Variants in CDH20 observed in about 807,000 individuals in gnomAD.
CDH20 encodes cadherin 20, also known as cadherin-20.
A neutral mutation model predicts 74.2 loss-of-function variants in CDH20; 29 were observed. The ratio of observed to expected loss-of-function variants is 0.39; its 90% CI spans 0.29 to 0.53. CDH20 has a LOEUF of 0.53. Ranked by LOEUF, CDH20 falls within the 20% of genes least tolerant of loss-of-function variation. The probability of loss-of-function intolerance (pLI) is 0.69; values close to 1 mark genes in which losing one functional copy is unlikely to be tolerated. For synonymous variants in CDH20, 469 were observed against 405.4 expected (o/e 1.16, Z -1.88); for missense variants, 988 against 1,048.3 (o/e 0.94, Z 0.79).
chr18:61,375,669 A>C (rs763190129), intron 1 of CDH20, among the ~76,000 whole-genome samples: 2 of 151,950 alleles, frequency 1.3e-5, no homozygotes, highest in Non-Finnish European at 2.9e-5. Flanking sequence ...TTAAAGACCA[A>C]CTCAAGTGTC....
intron 1 of CDH20, among the ~76,000 whole-genome samples, chr18:61,423,249 G>A (rs1912950411): frequency 6.6e-6 from 1 of 152,170 alleles, no homozygotes; most frequent in African/African-American, 2.4e-5. Flanking sequence ...TAAGGATTTG[G>A]GGAGGGCCCC....
At chr18:61,553,918 C>G (rs2144418143) in intron 11 of CDH20, among the ~76,000 whole-genome samples, 1 of 152,248 alleles carries the variant, frequency 6.6e-6, no homozygotes, top group Admixed American at 6.5e-5. Flanking sequence ...AATTTCAAAA[C>G]AGCAAGCTGA....
At position 61,499,379 on chromosome 18, in the gene CDH20, C is replaced by T. The variant is rs1911281236; in HGVS notation, c.440C>T (p.Pro147Leu). Residue 147 changes from proline to leucine, a missense_variant, in exon 3 of 12, where the codon CCC (proline) becomes CTC (leucine). Coordinates refer to ENST00000262717, the MANE Select transcript of CDH20 (RefSeq NM_031891.4). ...AGGCGGACGGGCAGGCCAATGGAGCCCGAGTCAGAGTTCATCATCAAAATT... is the reference window on the plus strand; with the variant it reads ...AGGCGGACGGGCAGGCCAATGGAGCTCGAGTCAGAGTTCATCATCAAAATT... ...LDRRTGRPME[P>L]ESEFIIKIQD... 1 of 1,613,964 alleles carries T rather than the reference C, an allele frequency of 6.2e-7. No individual in the cohort carries two copies. Among genetic ancestry groups the T allele is most frequent in the African/African-American group, 1.3e-5 (1 of 74,884 alleles).
chr18:61,343,276 T>C (rs146297029), intron 1 of CDH20, among the ~76,000 whole-genome samples: 4 of 152,326 alleles, frequency 2.6e-5, no homozygotes, highest in Non-Finnish European at 5.9e-5. Context: ...ATTTGTGGCA[T>C]GGACATGCAC....
intron 1 of CDH20, among the ~76,000 whole-genome samples, chr18:61,442,796 CT>C (rs1202849838): frequency 3.3e-5 from 5 of 152,112 alleles, no homozygotes; most frequent in Admixed American, 3.3e-4. Flanking sequence ...GACCTGCTCT[CT>C]TGGGAAGGTT....
At chr18:61,390,468 A>C (rs1911743959) in intron 1 of CDH20, among the ~76,000 whole-genome samples, 1 of 152,174 alleles carries the variant, frequency 6.6e-6, no homozygotes, top group Non-Finnish European at 1.5e-5. Flanking sequence ...ATTTTTGTAT[A>C]AGTTGGGAAA....
At chr18:61,379,791 C>T (rs545024083) in intron 1 of CDH20, among the ~76,000 whole-genome samples, 1 of 152,212 alleles carries the variant, frequency 6.6e-6, no homozygotes, top group South Asian at 2.1e-4. Context: ...AAGAGTTTCA[C>T]ATACATGAGA....
In CDH20 at chr18:61,552,400, T is replaced by TA. The variant is rs1004243953; in HGVS notation, c.1901-1779dup. 3.1e-3 allele frequency among the ~76,000 whole-genome samples: 455 copies of TA among 145,640 alleles called. 1 individual carries two copies. Among genetic ancestry groups the TA allele is most frequent in the African/African-American group, 8.5e-3 (341 of 40,006 alleles). The stretch of plus-strand genomic sequence containing the variant: ...TGTTATTTACCTAATTAGATTACCT[T>TA]AAAAAAAAAAAGACATGTAGCTGTC... On this transcript the variant is annotated intron_variant, in intron 11 of 11. Transcript: ENST00000262717.
Position 61,527,948 on chromosome 18 carries a change from T to A in CDH20, c.1018-19T>A. On this transcript the variant is annotated intron_variant, in intron 6 of 11. Transcript: ENST00000262717. ...TTGAACCTCAGTGGCGAATCAATTT[T>A]CCTGTCATTGCTTTTCAGCCCCTGA... is the stretch of plus-strand genomic sequence containing the variant. 6.2e-7 allele frequency: 1 copy of A among 1,613,360 alleles called. No individual in the cohort carries two copies. Among genetic ancestry groups the A allele is most frequent in the Non-Finnish European group, 8.5e-7 (1 of 1,179,458 alleles).
intron 1 of CDH20, among the ~76,000 whole-genome samples, chr18:61,486,375 C>A (rs1272649785): frequency 6.6e-6 from 1 of 152,122 alleles, no homozygotes; most frequent in African/African-American, 2.4e-5. Context: ...GTTTGTGAAC[C>A]ATACATACTG....
chr18:61,492,273 C>G (rs1041510323), intron 2 of CDH20, among the ~76,000 whole-genome samples: 1 of 152,096 alleles, frequency 6.6e-6, no homozygotes, highest in Non-Finnish European at 1.5e-5. Flanking sequence ...GCAAATTCTG[C>G]TAGTCCTATG....
chr18:61,445,336 A>G (rs1044518417), intron 1 of CDH20, among the ~76,000 whole-genome samples: 14 of 152,164 alleles, frequency 9.2e-5, no homozygotes, highest in Non-Finnish European at 1.8e-4. Flanking sequence ...GAGAAGTTCT[A>G]TAACCTGCCC....
intron 6 of CDH20, among the ~76,000 whole-genome samples, chr18:61,526,652 AT>A (rs1912424675): frequency 6.6e-6 from 1 of 152,192 alleles, no homozygotes; most frequent in Non-Finnish European, 1.5e-5. Flanking sequence ...CAGAAATAGC[AT>A]TTTAAGTTCA....
Position 61,550,054 on chromosome 18 carries a change from G to C in CDH20, c.1725G>C (p.Leu575=), listed in dbSNP as rs1913378115. The C allele has an allele frequency of 6.2e-7, 1 of 1,614,192 alleles. No homozygotes were observed. The highest frequency in any genetic ancestry group is 8.5e-7 in the Non-Finnish European group (1 of 1,180,026). Residue 575 remains leucine, a synonymous_variant, in exon 11 of 12, where the codon CTG becomes CTC. Coordinates refer to ENST00000262717, the MANE Select transcript of CDH20 (RefSeq NM_031891.4). ...QEQSVFHLPI[L]IADSGQPVLS... is the part of the protein sequence containing the mutation. ...AGAGTGTCTTTCACCTGCCTATCCT[G>C]ATAGCAGATAGCGGGCAGCCCGTGC... is the stretch of plus-strand genomic sequence containing the variant.
chr18:61,493,663 T>A (rs1911037179), intron 2 of CDH20, among the ~76,000 whole-genome samples: 1 of 152,196 alleles, frequency 6.6e-6, no homozygotes, highest in African/African-American at 2.4e-5. Context: ...ACATTCAAAT[T>A]CCTCAAAGTT....
At chr18:61,405,869 A>G (rs1912313397) in intron 1 of CDH20, among the ~76,000 whole-genome samples, 2 of 152,186 alleles carry the variant, frequency 1.3e-5, no homozygotes, top group Admixed American at 6.5e-5. Context: ...CTTCCTTCAA[A>G]TATCAGCATA....
chr18:61,474,103 C>T (rs1910284095), intron 1 of CDH20, among the ~76,000 whole-genome samples: 1 of 152,168 alleles, frequency 6.6e-6, no homozygotes, highest in Non-Finnish European at 1.5e-5. Flanking sequence ...GTCTTCCTGC[C>T]AAAGTCAGTG....
intron 5 of CDH20, among the ~76,000 whole-genome samples, chr18:61,505,997 T>C (rs1014544488): frequency 2.0e-5 from 3 of 152,216 alleles, no homozygotes; most frequent in African/African-American, 7.2e-5. Context: ...TGCTTCTTTT[T>C]CACAAATATT....
At chr18:61,475,104 G>A (rs1910321979) in intron 1 of CDH20, among the ~76,000 whole-genome samples, 1 of 152,112 alleles carries the variant, frequency 6.6e-6, no homozygotes, top group African/African-American at 2.4e-5. Context: ...AGATCACTCT[G>A]GCAGATAACA....
Sources: allele counts gnomAD v4.1 joint callset (sites outside exome capture counted in the v4.1 genomes callset), GRCh38; gene constraint gnomAD v4.1.1; transcripts MANE v1.5; gene names NCBI Gene and HGNC (gene_info 2026-07-23, HGNC 2026-07-21).